The following SLC5A11 variants were observed in gnomAD, a reference collection of about 807,000 sequenced individuals.
SLC5A11 encodes the protein solute carrier family 5 member 11.
Under a neutral mutation model 69.8 loss-of-function variants are expected in SLC5A11, and 48 were observed. The ratio of observed to expected loss-of-function variants is 0.69; its 90% CI spans 0.55 to 0.87. The LOEUF (loss-of-function observed/expected upper bound fraction) is 0.87. SLC5A11 is among the 40% of genes least tolerant of loss of function. The pLI is 0.00. For synonymous variants in SLC5A11, 319 were observed against 342.4 expected (o/e 0.93, Z 0.75); for missense variants, 784 against 866.1 (o/e 0.91, Z 1.19).
At chr16:24,888,783 CTTT>C (rs1169015317) in intron 8 of SLC5A11, among the ~76,000 whole-genome samples, 13 of 45,734 alleles carry the variant, frequency 2.8e-4, no homozygotes, top group African/African-American at 1.0e-3. Context: ...CGTGCCTGTC[CTTT>C]TTTTTTTTTT....
chr16:24,890,771 C>G (rs1597207192), intron 8 of SLC5A11, 98 bp from the exon 10 acceptor site: 3 of 1,161,098 alleles, frequency 2.6e-6, no homozygotes, highest in Middle Eastern at 3.9e-4. Flanking sequence ...TTTGGTGGCT[C>G]TGGTCCTACT....
rs112406514 is a variant in SLC5A11 at position 24,868,961 on chromosome 16, G to A, written c.208-940G>A. ...CGGCTCGTTGCAACCTCCACCTCCC[G>A]GGCTCGAGCGATTCTCCTGCCTCAG... On this transcript the variant is annotated intron_variant, in intron 3 of 15. Transcript: ENST00000347898. 8.2e-3 allele frequency among the ~76,000 whole-genome samples: 1,235 copies of A among 150,172 alleles called. 18 individuals are homozygous for A. The highest frequency in any genetic ancestry group is 0.028 in the African/African-American group (1,155 of 40,830).
rs1383215166 is a variant in SLC5A11 at position 24,861,746 on chromosome 16, AG to A, written c.136-854del. ...AGGCAGAAGAAAGAAAAAGAAAGAA[AG>A]AAAAAGAAGGAAAGAAAGAAAGAGA... On this transcript the variant is annotated intron_variant, in intron 2 of 15. Coordinates refer to ENST00000347898, the Ensembl canonical transcript of SLC5A11. 5.8e-3 allele frequency among the ~76,000 whole-genome samples: 823 copies of A among 142,930 alleles called. 13 individuals are homozygous for A. Among genetic ancestry groups the A allele is most frequent in the African/African-American group, 0.02 (788 of 38,940 alleles). The allele number at this position is 142,930 out of a possible 152,430, so 93.8% of individuals were successfully genotyped here.
intron 3 of SLC5A11, among the ~76,000 whole-genome samples, chr16:24,867,354 G>A (rs1156838246): frequency 6.6e-6 from 1 of 152,002 alleles, no homozygotes; most frequent in African/African-American, 2.4e-5. Context: ...TAAAACTTAT[G>A]GGATCCAGCT....
chr16:24,875,197 T>C (rs948763528), intron 5 of SLC5A11, among the ~76,000 whole-genome samples: 5 of 152,140 alleles, frequency 3.3e-5, no homozygotes, highest in Non-Finnish European at 7.4e-5. Flanking sequence ...TGTATGTCTT[T>C]TGAGGCAGGG....
chr16:24,906,500 G>C (rs796498709), intron 10 of SLC5A11, among the ~76,000 whole-genome samples, 157 bp from the exon 12 acceptor site: 1 of 151,886 alleles, frequency 6.6e-6, no homozygotes, highest in Non-Finnish European at 1.5e-5. Flanking sequence ...CTCAGAAAGC[G>C]TAAGTAACAA....
chr16:24,901,148 G>A (rs1288230514), intron 10 of SLC5A11, among the ~76,000 whole-genome samples: 1 of 152,052 alleles, frequency 6.6e-6, no homozygotes, highest in Non-Finnish European at 1.5e-5. Flanking sequence ...TTGTAAAATG[G>A]GGGTAATATT....
At chr16:24,897,577 G>C (rs770270303) in intron 9 of SLC5A11, among the ~76,000 whole-genome samples, 2 of 152,182 alleles carry the variant, frequency 1.3e-5, no homozygotes, top group Non-Finnish European at 2.9e-5. Context: ...TTCTAATACA[G>C]TCTGTTCTCA....
In SLC5A11 at chr16:24,886,816, G is replaced by A. The variant is rs543527438; in HGVS notation, c.664+2685G>A. Among the ~76,000 whole-genome samples, 4 of 152,228 alleles carry A rather than the reference G, an allele frequency of 2.6e-5. No individual in the cohort carries two copies. In the South Asian group the frequency reaches 8.3e-4, roughly 32 times the overall value. ...TGGAAAATTAGCTGGATGTGGTGGT[G>A]CACACCTGTGGTCTCAGGTGGGGAC... On this transcript the variant is annotated intron_variant, in intron 8 of 15. Transcript: ENST00000347898.
At chr16:24,886,677 ATAAGAATACTTTTT>A (rs1281929003) in intron 8 of SLC5A11, among the ~76,000 whole-genome samples, 1 of 152,186 alleles carries the variant, frequency 6.6e-6, no homozygotes, top group East Asian at 1.9e-4. Flanking sequence ...AATGTGAAGT[ATAAGAATACTTTTT>A]AAATACTAAA....
At chr16:24,864,677 T>C (rs2046810216) in intron 3 of SLC5A11, among the ~76,000 whole-genome samples, 1 of 152,162 alleles carries the variant, frequency 6.6e-6, no homozygotes, top group Non-Finnish European at 1.5e-5. Flanking sequence ...AGATGTTATA[T>C]TCACTAAACA....
rs1597077519 is a variant in SLC5A11 at position 24,870,444 on chromosome 16, CACACACA to C, written c.312+440_312+446del. ...ACAAAACAAAAAAAACAAAAAAAAA[CACACACA>C]CACACACACACACAAACCCAAAAAA... is the stretch of plus-strand genomic sequence containing the variant. On this transcript the variant is annotated intron_variant, in intron 4 of 15. Coordinates refer to ENST00000347898, the Ensembl canonical transcript of SLC5A11. 4.1e-5 allele frequency among the ~76,000 whole-genome samples: 6 copies of C among 147,496 alleles called. No homozygotes were observed. In the South Asian group the frequency reaches 6.4e-4, roughly 16 times the overall value.
At chr16:24,890,977 T>A in exon 9 of SLC5A11, 1 of 1,614,168 alleles carries the variant, frequency 6.2e-7, no homozygotes, top group South Asian at 1.1e-5. Context: ...GAAGATGCCT[T>A]CCATATTTTC....
chr16:24,865,383 A>G (rs2152280251), intron 3 of SLC5A11, among the ~76,000 whole-genome samples: 1 of 152,298 alleles, frequency 6.6e-6, no homozygotes, highest in Admixed American at 6.5e-5. Flanking sequence ...CAACCTGGAG[A>G]AACCCCATCT....
chr16:24,887,300 A>G (rs991274214), intron 8 of SLC5A11, among the ~76,000 whole-genome samples: 2 of 152,226 alleles, frequency 1.3e-5, no homozygotes, highest in Non-Finnish European at 2.9e-5. Flanking sequence ...TGATCCAGTT[A>G]AAATCATTAC....
chr16:24,910,369 G>A, exon 15 of SLC5A11: 1 of 1,614,074 alleles, frequency 6.2e-7, no homozygotes, highest in Non-Finnish European at 8.5e-7. Flanking sequence ...AGCACCACCA[G>A]CAGCTCCCTT....
intron 10 of SLC5A11, among the ~76,000 whole-genome samples, chr16:24,905,640 G>GCGCGCGCACACACACA (rs1443035551): frequency 1.5e-5 from 2 of 136,698 alleles, no homozygotes; most frequent in Admixed American, 7.3e-5. Context: ...GCGCGCGCGC[G>GCGCGCGCACACACACA]CACACACACA....
intron 8 of SLC5A11, among the ~76,000 whole-genome samples, 192 bp downstream of exon 9, chr16:24,884,323 C>CTGTTTT (rs979345415): frequency 2.0e-5 from 3 of 152,048 alleles, no homozygotes; most frequent in South Asian, 4.2e-4. Flanking sequence ...TGGAAACTTA[C>CTGTTTT]TGTTTTTGTT....
rs534460263 is a variant in SLC5A11, at chr16:24,865,147, G to T, written c.207+2475G>T. ...TAACAATATTAATCTACACATCCAA[G>T]AAATATAATAAACTGCAGTAGAAGA... On this transcript the variant is annotated intron_variant, in intron 3 of 15. Transcript: ENST00000347898. Among the ~76,000 whole-genome samples, 165 of 152,222 alleles carry T rather than the reference G, an allele frequency of 1.1e-3. 7 individuals are homozygous for T. The South Asian group carries it at 0.033, about 30-fold the overall frequency.
Sources: gnomAD v4.1 joint callset for allele counts (sites outside exome capture counted in the v4.1 genomes callset) on GRCh38, gnomAD v4.1.1 for gene constraint, MANE v1.5 for transcripts, NCBI Gene and HGNC (gene_info 2026-07-23, HGNC 2026-07-21) for gene names.